The following MTMR14 variants were observed in gnomAD, a reference collection of about 807,000 sequenced individuals.
The protein encoded by MTMR14 is phosphatidylinositol-3,5-bisphosphate 3-phosphatase MTMR14.
MTMR14 carries 48 observed loss-of-function variants against 86.3 expected under a neutral mutation model. That is an observed-to-expected ratio of 0.56 (90% CI 0.44 to 0.71). The LOEUF (loss-of-function observed/expected upper bound fraction) is 0.71. Among genes scored for constraint, MTMR14 ranks in the 30% least tolerant of loss-of-function variants. The pLI, the probability that MTMR14 is intolerant of heterozygous loss-of-function variation, is 0.00. For missense variants in MTMR14, 780 were observed against 834.6 expected (o/e 0.93, Z 0.81); for synonymous variants, 366 against 326.1 (o/e 1.12, Z -1.32).
intron 13 of MTMR14, among the ~76,000 whole-genome samples, chr3:9,686,190 C>A (rs182293782): frequency 6.6e-6 from 1 of 152,226 alleles, no homozygotes; most frequent in African/African-American, 2.4e-5. Context: ...TCTGCCAGGG[C>A]TGTAGAGCTC....
At chr3:9,686,494 C>A (rs949334230) in intron 13 of MTMR14, among the ~76,000 whole-genome samples, 2 of 152,186 alleles carry the variant, frequency 1.3e-5, no homozygotes, top group Admixed American at 1.3e-4. Flanking sequence ...TTACCCCCCC[C>A]AGACAATCCA....
At chr3:9,651,509 C>T (rs2047291101) in intron 1 of MTMR14, among the ~76,000 whole-genome samples, 2 of 152,164 alleles carry the variant, frequency 1.3e-5, no homozygotes, top group African/African-American at 4.8e-5. Flanking sequence ...CTCATATTGG[C>T]TGCGGCTGGC....
chr3:9,675,643 G>A, intron 7 of MTMR14: 1 of 457,386 alleles, frequency 2.2e-6, no homozygotes. Flanking sequence ...CTCTCCTCTT[G>A]CCTGACAGTG....
At chr3:9,655,263 T>A (rs1178750) in intron 2 of MTMR14, among the ~76,000 whole-genome samples, 32 of 151,334 alleles carry the variant, frequency 2.1e-4, no homozygotes, top group Middle Eastern at 3.4e-3. Flanking sequence ...GCTACTCGGG[T>A]GGCTGAGGCA....
At chr3:9,685,538 G>A (rs2075914481) in intron 13 of MTMR14, among the ~76,000 whole-genome samples, 1 of 152,162 alleles carries the variant, frequency 6.6e-6, no homozygotes, top group Non-Finnish European at 1.5e-5. Flanking sequence ...CAGGCCACTT[G>A]TTCTCTCTGC....
chr3:9,685,988 A>T (rs1432749588), intron 13 of MTMR14, among the ~76,000 whole-genome samples: 1 of 152,034 alleles, frequency 6.6e-6, no homozygotes, highest in Non-Finnish European at 1.5e-5. Context: ...CCAGCATGGA[A>T]GCTGTCCCAC....
At chr3:9,679,975 C>G (rs1271577228) in intron 9 of MTMR14, among the ~76,000 whole-genome samples, 3 of 152,132 alleles carry the variant, frequency 2.0e-5, no homozygotes, top group Non-Finnish European at 4.4e-5. Context: ...TGGGCTCTGC[C>G]TTTTCTGCCC....
Position 9,690,063 on chromosome 3 carries a change from G to A in MTMR14, c.1533G>A (p.Arg511=). ...LPSQQGLAEA[R]SSSSSSSNHS... ...CCCAGCAGGGGCTGGCGGAAGCCAG[G>A]TCTTCCAGCTCCTCTTCCTCAAACC... Residue 511 remains arginine, a synonymous_variant, in exon 17 of 19, where the codon AGG becomes AGA. Coordinates refer to ENST00000296003, the MANE Select transcript of MTMR14 (RefSeq NM_001077525.3). 1 of 1,613,332 alleles carries A rather than the reference G, an allele frequency of 6.2e-7. No homozygotes were observed. The highest frequency in any genetic ancestry group is 1.1e-5 in the South Asian group (1 of 91,026).
At position 9,697,864 on chromosome 3, in the gene MTMR14, T is replaced by A. The variant is rs1416010698; in HGVS notation, c.1767T>A (p.Cys589Ter). 2 of 1,614,118 alleles carry A rather than the reference T, an allele frequency of 1.2e-6. No individual in the cohort carries two copies. The highest frequency in any genetic ancestry group is 1.1e-5 in the South Asian group (1 of 91,088). The change falls in exon 18 of 19, where the codon TGT becomes TGA. Residue 589 changes from cysteine to a stop codon, truncating the protein, a stop_gained and splice_region_variant. Coordinates refer to ENST00000296003, the MANE Select transcript of MTMR14 (RefSeq NM_001077525.3). LOFTEE classifies it high-confidence loss of function. ...TCCCGGATGAGCTCCCTAACAGTTG[T>A]CTGTAAGTGTCTTGCTTGAGAAGGC... ...FSFPDELPNSCLLAALSDRET... is the reference protein window; with the variant it reads ...FSFPDELPNS
intron 1 of MTMR14, among the ~76,000 whole-genome samples, chr3:9,650,814 G>T (rs2047237991): frequency 6.6e-6 from 1 of 150,524 alleles, no homozygotes; most frequent in Non-Finnish European, 1.5e-5. Flanking sequence ...TTGAGAAGGA[G>T]TCTCGCTTTG....
At position 9,677,642 on chromosome 3, in the gene MTMR14, C is replaced by A. The variant is rs765174144; in HGVS notation, c.822+255C>A. Among the ~76,000 whole-genome samples the A allele has an allele frequency of 6.6e-6, 1 of 152,244 alleles. No homozygotes were observed. The highest frequency in any genetic ancestry group is 2.1e-4 in the South Asian group (1 of 4,822). On this transcript the variant is annotated intron_variant, in intron 8 of 18. Transcript: ENST00000296003. The surrounding 1 kb of genome is among the most constrained non-coding windows in gnomAD (Gnocchi z 4.2). ...TTTTTCAGAAACAAGATAGGAAAAG[C>A]CCTTCCCTTCTGTACTCTCTGTGTG...
chr3:9,701,731 AGGATACT>A lies in MTMR14; in HGVS notation c.1770-56_1770-50del. 6.3e-7 allele frequency: 1 copy of A among 1,581,554 alleles called. No individual in the cohort carries two copies. Among genetic ancestry groups the A allele is most frequent in the South Asian group, 1.1e-5 (1 of 90,178 alleles). On this transcript the variant is annotated intron_variant, in intron 18 of 18. Coordinates refer to ENST00000296003, the MANE Select transcript of MTMR14 (RefSeq NM_001077525.3). This position sits in a 1 kb window ranked among gnomAD's most constrained non-coding sequence, Gnocchi z 4.2. ...AGGTGGTATGGAGGGAGGGAGGATG[AGGATACT>A]GGGTCCTGTCCCAGGGTAATGTCTT...
In MTMR14 at chr3:9,669,502, GGGTT is replaced by G; in HGVS notation, c.554+12_554+15del. On this transcript the variant is annotated intron_variant, in intron 5 of 18. Transcript: ENST00000296003. ...AGGACTGTGCTCTTCGGTCAGTGCT[GGGTT>G]GCTGTGGTCAGGGGCTTGTGTTGGG... 1 of 1,611,694 alleles carries G rather than the reference GGGTT, an allele frequency of 6.2e-7. No homozygotes were observed. Among genetic ancestry groups the G allele is most frequent in the South Asian group, 1.1e-5 (1 of 90,822 alleles).
rs188060536 is a variant in MTMR14 at position 9,678,777 on chromosome 3, A to G, written c.897+719A>G. 7.2e-5 allele frequency among the ~76,000 whole-genome samples: 11 copies of G among 152,246 alleles called. 1 individual carries two copies. The highest frequency in any genetic ancestry group is 1.2e-4 in the Non-Finnish European group (8 of 68,018). ...GTTGGATGCCTGCATCTATATTCCC[A>G]TTAACCCCCTGGGCACATCCATCAT... On this transcript the variant is annotated intron_variant, in intron 9 of 18. Coordinates refer to ENST00000296003, the MANE Select transcript of MTMR14 (RefSeq NM_001077525.3).
intron 17 of MTMR14, among the ~76,000 whole-genome samples, chr3:9,690,772 C>T (rs1252114518): frequency 1.3e-5 from 2 of 152,194 alleles, no homozygotes; most frequent in African/African-American, 2.4e-5. Context: ...ATACTCCCAT[C>T]GAAAGAATCC....
At chr3:9,681,007 G>T (rs1189164507) in intron 9 of MTMR14, among the ~76,000 whole-genome samples, 5 of 152,182 alleles carry the variant, frequency 3.3e-5, no homozygotes, top group African/African-American at 1.2e-4. Flanking sequence ...TGGCTCTCCA[G>T]TCATATGGTT....
intron 2 of MTMR14, 99 bp from the exon 3 acceptor site, chr3:9,662,168 G>A (rs1254695185): frequency 2.4e-6 from 2 of 822,394 alleles, no homozygotes; most frequent in African/African-American, 3.4e-5. Flanking sequence ...CAAGCATTAT[G>A]TACACAGATC....
chr3:9,686,855 G>A (rs948562681), intron 13 of MTMR14, among the ~76,000 whole-genome samples: 1 of 152,194 alleles, frequency 6.6e-6, no homozygotes, highest in East Asian at 1.9e-4. Context: ...GTGCTTCCTG[G>A]AGGCCCCTGG....
intron 4 of MTMR14, 71 bp downstream of exon 4, chr3:9,668,865 C>T (rs894268184): frequency 1.3e-5 from 19 of 1,506,742 alleles, no homozygotes; most frequent in Non-Finnish European, 1.6e-5. Flanking sequence ...CCGGGCCGGG[C>T]GCCATGCCTC....
Sources: allele counts gnomAD v4.1 joint callset (sites outside exome capture counted in the v4.1 genomes callset), GRCh38; gene constraint gnomAD v4.1.1; non-coding constraint Gnocchi (gnomAD v3.1); transcripts MANE v1.5; gene names NCBI Gene and HGNC (gene_info 2026-07-23, HGNC 2026-07-21).